The following HTATIP2 variants were observed in gnomAD, a reference collection of about 807,000 sequenced individuals.
The protein encoded by HTATIP2 is HIV-1 Tat interactive protein 2, also known as protein HTATIP2.
In HTATIP2, 26 loss-of-function variants were observed where a neutral mutation model predicts 24.7. That is an observed-to-expected ratio of 1.05 (90% confidence interval 0.77 to 1.46). HTATIP2 has a LOEUF of 1.46. Ranked by LOEUF, HTATIP2 falls within the 40% of genes most tolerant of loss-of-function variation. The probability of loss-of-function intolerance (pLI) is 0.00; values close to 1 mark genes in which losing one functional copy is unlikely to be tolerated. For missense variants in HTATIP2, 284 were observed against 289.6 expected (o/e 0.98, Z 0.14); for synonymous variants, 99 against 113.2 (o/e 0.87, Z 0.79).
intron 3 of HTATIP2, among the ~76,000 whole-genome samples, chr11:20,380,233 T>C (rs1656308776): frequency 6.6e-6 from 1 of 152,220 alleles, no homozygotes; most frequent in African/African-American, 2.4e-5. Flanking sequence ...AGATAGGGAA[T>C]GGTGGGAACA....
chr11:20,371,855 C>T (rs998282904), intron 2 of HTATIP2, among the ~76,000 whole-genome samples: 2 of 152,110 alleles, frequency 1.3e-5, no homozygotes, highest in Non-Finnish European at 2.9e-5. Flanking sequence ...TTTATCTATC[C>T]AGAACTTCTC....
intron 2 of HTATIP2, among the ~76,000 whole-genome samples, chr11:20,369,801 A>T (rs1230585016): frequency 6.6e-6 from 1 of 152,198 alleles, no homozygotes; most frequent in African/African-American, 2.4e-5. Context: ...ATTCTGAGGT[A>T]ATGGGGGTTA....
chr11:20,378,631 A>G (rs889564397), intron 3 of HTATIP2, among the ~76,000 whole-genome samples: 13 of 152,250 alleles, frequency 8.5e-5, no homozygotes, highest in African/African-American at 3.1e-4. Context: ...TCACTGGGTT[A>G]TAATAATGAT....
intron 2 of HTATIP2, among the ~76,000 whole-genome samples, chr11:20,369,432 G>A (rs1432497036): frequency 6.6e-6 from 1 of 152,288 alleles, no homozygotes; most frequent in African/African-American, 2.4e-5. Flanking sequence ...TGTGTAGGTG[G>A]CTTATTTCCA....
At chr11:20,381,019 AG>A (rs1848513571) in intron 3 of HTATIP2, among the ~76,000 whole-genome samples, 1 of 152,180 alleles carries the variant, frequency 6.6e-6, no homozygotes, top group African/African-American at 2.4e-5. Context: ...AGGTCCCCAG[AG>A]GGTAGGGTAC....
intron 3 of HTATIP2, among the ~76,000 whole-genome samples, chr11:20,380,788 C>T (rs1025155091): frequency 1.3e-5 from 2 of 151,416 alleles, no homozygotes; most frequent in African/African-American, 4.9e-5. Flanking sequence ...AGATAGCCAT[C>T]GACTGATGAA....
intron 2 of HTATIP2, among the ~76,000 whole-genome samples, chr11:20,368,329 A>G (rs1029068926): frequency 4.6e-5 from 7 of 152,214 alleles, no homozygotes; most frequent in Non-Finnish European, 8.8e-5. Flanking sequence ...AGTTAGATTC[A>G]GATGTATTTC....
intron 2 of HTATIP2, among the ~76,000 whole-genome samples, chr11:20,370,776 A>G (rs947089581): frequency 1.6e-4 from 25 of 152,048 alleles, no homozygotes; most frequent in Non-Finnish European, 1.5e-5. Flanking sequence ...CAGCCTCCCA[A>G]GTAGCTGGGA....
In HTATIP2 at chr11:20,383,132, A is replaced by G. The variant is rs1408680387; in HGVS notation, c.656A>G (p.Asp219Gly). Reference protein sequence around the residue: ...AMLNNVVRPRDKQMELLENKA... With the variant: ...AMLNNVVRPRGKQMELLENKA... ...CTGAACAATGTGGTGAGACCAAGAG[A>G]CAAGCAGATGGAACTGCTGGAGAAC... The change falls in exon 5 of 5, where the codon GAC (aspartate) becomes GGC (glycine). Residue 219 changes from aspartate (D) to glycine (G), a missense_variant. Transcript: ENST00000451739. The G allele has an allele frequency of 6.2e-7, 1 of 1,613,836 alleles. No individual in the cohort carries two copies. The highest frequency in any genetic ancestry group is 2.2e-5 in the East Asian group (1 of 44,860).
chr11:20,364,335 T>G lies in HTATIP2; in HGVS notation c.98T>G (p.Val33Gly), dbSNP rs757672606. Reference protein sequence around the residue: ...ILGASGETGRVLLKEILEQGL... With the variant: ...ILGASGETGRGLLKEILEQGL... ...GGCGCCAGCGGAGAAACCGGCAGAG[T>G]GCTCTTAAAGGAAATCCTGGAGCAG... Residue 33 changes from valine (V) to glycine (G), a missense_variant, in exon 1 of 5, where the codon GTG becomes GGG. Transcript: ENST00000451739. 4 of 1,613,402 alleles carry G rather than the reference T, an allele frequency of 2.5e-6. No homozygotes were observed. In the African/African-American group the frequency reaches 4.0e-5, roughly 16 times the overall value.
At position 20,364,480 on chromosome 11, in the gene HTATIP2, G is replaced by T. The variant is rs1209487950; in HGVS notation, c.195+48G>T. On this transcript the variant is annotated intron_variant, in intron 1 of 4. Transcript: ENST00000451739. ...AAATGGACCCCCAGGATTCTGCGAGGTGAACATATTTCATGCCTAAAGGCT... is the reference window on the plus strand; with the variant it reads ...AAATGGACCCCCAGGATTCTGCGAGTTGAACATATTTCATGCCTAAAGGCT... The T allele has an allele frequency of 4.7e-6, 7 of 1,496,608 alleles. No homozygotes were observed. In the African/African-American group the frequency reaches 8.4e-5, roughly 18 times the overall value. 92.7% of individuals were successfully genotyped at this position (1,496,608 alleles called of 1,614,324 possible). A position where few individuals can be genotyped will look rare whatever the true frequency, so the allele number is the denominator to read the frequency against.
chr11:20,364,529 G>C lies in HTATIP2; in HGVS notation c.195+97G>C. The C allele has an allele frequency of 3.6e-6, 4 of 1,109,042 alleles. No individual in the cohort carries two copies. In the South Asian group the frequency reaches 6.5e-5, roughly 18 times the overall value. 68.7% of individuals were successfully genotyped at this position (1,109,042 alleles called of 1,614,324 possible). On this transcript the variant is annotated intron_variant, in intron 1 of 4. Coordinates refer to ENST00000451739, the MANE Select transcript of HTATIP2 (RefSeq NM_001098522.2). The stretch of plus-strand genomic sequence containing the variant: ...CTGAATACTGCCCTGCCAGTGGTGG[G>C]GGTAGTGAGAGGCCATCAAAACTTG...
At chr11:20,368,732 C>A (rs2064740203) in intron 2 of HTATIP2, among the ~76,000 whole-genome samples, 1 of 152,218 alleles carries the variant, frequency 6.6e-6, no homozygotes, top group Non-Finnish European at 1.5e-5. Flanking sequence ...TAAGGCAAAT[C>A]TCATTATAGG....
intron 4 of HTATIP2, 79 bp from the exon 5 acceptor site, chr11:20,382,900 CG>C (rs1848541688): frequency 1.0e-6 from 1 of 994,024 alleles, no homozygotes; most frequent in Non-Finnish European, 1.5e-6. Context: ...CAGTTTTGTC[CG>C]TAATGCCCAC....
intron 2 of HTATIP2, 161 bp downstream of exon 2, chr11:20,367,442 A>G: frequency 2.0e-6 from 3 of 1,513,556 alleles, no homozygotes; most frequent in Non-Finnish European, 2.7e-6. Context: ...GTATCCTTTT[A>G]ATAGTACTGA....
intron 1 of HTATIP2, among the ~76,000 whole-genome samples, chr11:20,365,832 G>A (rs1410670558): frequency 1.3e-5 from 2 of 151,752 alleles, no homozygotes; most frequent in Admixed American, 6.6e-5. Context: ...TTAGCTGGGC[G>A]TGGTGGTGCA....
intron 2 of HTATIP2, among the ~76,000 whole-genome samples, chr11:20,369,748 A>C (rs1405775844): frequency 6.6e-6 from 1 of 152,176 alleles, no homozygotes; most frequent in Non-Finnish European, 1.5e-5. Context: ...GTATGATCTC[A>C]ACTAATTACA....
chr11:20,367,905 T>C (rs1323023634), intron 2 of HTATIP2, among the ~76,000 whole-genome samples: 1 of 152,212 alleles, frequency 6.6e-6, no homozygotes, highest in East Asian at 1.9e-4. Flanking sequence ...GTTTACTACA[T>C]AGTTAGAAAT....
Position 20,363,746 on chromosome 11 carries a change from C to A in HTATIP2, c.-492C>A, listed in dbSNP as rs1306683252. On this transcript the variant is annotated 5_prime_UTR_variant, in exon 1 of 5. Transcript: ENST00000451739. ...CCGCGAGGCCACCCGGAAGACCAAG[C>A]CGGGTAGGCGCTGTCTCCGTCGCCT... The A allele has an allele frequency of 1.6e-6, 2 of 1,234,610 alleles. No individual in the cohort carries two copies. Among genetic ancestry groups the A allele is most frequent in the African/African-American group, 1.6e-5 (1 of 64,284 alleles). 76.5% of individuals were successfully genotyped at this position (1,234,610 alleles called of 1,614,324 possible).
Sources: allele counts gnomAD v4.1 joint callset (sites outside exome capture counted in the v4.1 genomes callset), GRCh38; gene constraint gnomAD v4.1.1; transcripts MANE v1.5; gene names NCBI Gene and HGNC (gene_info 2026-07-23, HGNC 2026-07-21).